Variants in POR observed in about 807,000 individuals in gnomAD.
POR encodes the protein cytochrome p450 oxidoreductase, also known as NADPH--cytochrome P450 reductase.
Under a neutral mutation model 84.0 loss-of-function variants are expected in POR, and 56 were observed. The observed-to-expected ratio is 0.67, with a 90% CI of 0.54 to 0.83. The LOEUF (loss-of-function observed/expected upper bound fraction) is 0.83, where lower values mean the gene tolerates loss of function less well. Ranked by LOEUF, POR falls within the 40% of genes least tolerant of loss-of-function variation. The pLI, the probability that POR is intolerant of heterozygous loss-of-function variation, is 0.00. For missense variants in POR, 938 were observed against 944.3 expected, an observed-to-expected ratio of 0.99 and a Z score of 0.09; for synonymous variants, 414 against 400.5, an observed-to-expected ratio of 1.03 and a Z score of -0.40.
At chr7:75,935,619 TTGTGTGTGTGTGTGTGTGTGTGTGTGTG>T (rs57899780) in intron 1 of POR, among the ~76,000 whole-genome samples, 45 of 131,384 alleles carry the variant, frequency 3.4e-4, no homozygotes, top group Non-Finnish European at 3.9e-4. Flanking sequence ...TGCTCGGGGC[TTGTGTGTGTGTGTGTGTGTGTGTGTGTG>T]TGTGTGTGTG....
chr7:75,973,835 G>A (rs868927985), intron 3 of POR, among the ~76,000 whole-genome samples: 3 of 151,452 alleles, frequency 2.0e-5, no homozygotes, highest in South Asian at 4.2e-4. Flanking sequence ...GCCTGCCACC[G>A]TGCCTGGCTA....
rs1554557762 is a variant in POR, at chr7:75,981,140, C to T, written c.609C>T (p.Ile203=). ...TGGAGCAGCTCGGCGCCCAGCGCATCTTTGAGCTGGGGTTGGGCGACGACG... is the reference window on the plus strand; with the variant it reads ...TGGAGCAGCTCGGCGCCCAGCGCATTTTTGAGCTGGGGTTGGGCGACGACG... The change falls in exon 6 of 16, where the codon ATC becomes ATT. Residue 203 remains isoleucine (I), a synonymous_variant. Coordinates refer to ENST00000461988, the MANE Select transcript of POR (RefSeq NM_000941.3). The T allele has an allele frequency of 1.9e-6, 3 of 1,555,042 alleles. No individual in the cohort carries two copies. Among genetic ancestry groups the T allele is most frequent in the African/African-American group, 1.4e-5 (1 of 73,406 alleles).
At chr7:75,956,818 C>T (rs187746265) in intron 2 of POR, among the ~76,000 whole-genome samples, 34 of 152,222 alleles carry the variant, frequency 2.2e-4, no homozygotes, top group Admixed American at 9.8e-4. Context: ...CTCCGCCTCC[C>T]GGGTTCAGGC....
intron 1 of POR, among the ~76,000 whole-genome samples, chr7:75,936,750 C>G (rs577900025): frequency 8.6e-5 from 13 of 151,980 alleles, no homozygotes; most frequent in Non-Finnish European, 1.0e-4. Flanking sequence ...CAGAAGCCGA[C>G]TTCAGAACTG....
At chr7:75,917,889 A>T (rs1806652020) in intron 1 of POR, among the ~76,000 whole-genome samples, 1 of 152,144 alleles carries the variant, frequency 6.6e-6, no homozygotes, top group South Asian at 2.1e-4. Flanking sequence ...CTAGGCTGGG[A>T]ACAGTGGCTC....
At chr7:75,985,013 C>T in intron 11 of POR, 45 bp from the exon 12 acceptor site, 7 of 1,579,008 alleles carry the variant, frequency 4.4e-6, no homozygotes, top group East Asian at 2.3e-5. Flanking sequence ...GTTTTCCGAG[C>T]TCCGTGGGCC....
chr7:75,931,530 C>T (rs1807419237), intron 1 of POR, among the ~76,000 whole-genome samples: 1 of 151,936 alleles, frequency 6.6e-6, no homozygotes, highest in South Asian at 2.1e-4. Flanking sequence ...TCACACCCGA[C>T]TAATTTTTTT....
chr7:75,946,535 G>A (rs1200865335), intron 1 of POR, among the ~76,000 whole-genome samples: 9 of 152,038 alleles, frequency 5.9e-5, no homozygotes, highest in Non-Finnish European at 8.8e-5. Flanking sequence ...TAATCTGCCC[G>A]CCTTGGCCTC....
rs1563429184 is a variant in POR at position 75,979,556 on chromosome 7, G to A, written c.343G>A (p.Ala115Thr). Residue 115 changes from alanine to threonine, a missense_variant, in exon 4 of 16, where the codon GCG (alanine) becomes ACG (threonine). Transcript: ENST00000461988. Reference sequence around the variant, plus strand: ...CCGCTACGGGATGCGAGGCATGTCAGCGGACCCTGAGGAGTATGACCTGGT... The same window carrying A: ...CCGCTACGGGATGCGAGGCATGTCAACGGACCCTGAGGAGTATGACCTGGT... 3 of 1,613,568 alleles carry A rather than the reference G, an allele frequency of 1.9e-6. No individual in the cohort carries two copies. Among genetic ancestry groups the A allele is most frequent in the African/African-American group, 2.7e-5 (2 of 75,056 alleles).
chr7:75,948,153 T>G (rs2116378400), intron 1 of POR, among the ~76,000 whole-genome samples: 1 of 152,186 alleles, frequency 6.6e-6, no homozygotes. Flanking sequence ...GGCCTGTTTC[T>G]CGTTTTGCCC....
chr7:75,981,489 C>T lies in POR; in HGVS notation c.642-28C>T, dbSNP rs564747548. 655 of 1,595,570 alleles carry T rather than the reference C, an allele frequency of 4.1e-4. 1 individual carries two copies. The highest frequency in any genetic ancestry group is 5.2e-4 in the Non-Finnish European group (603 of 1,170,340). On this transcript the variant is annotated intron_variant, in intron 6 of 15. Transcript: ENST00000461988. ...GTTGCCACATGGGCCTCCCCTGAGC[C>T]GCTCCCCCTCTCCTCTCCTCGGCCC...
rs782098457 is a variant in POR, at chr7:75,972,410, C to G, written c.189-3C>G. The G allele has an allele frequency of 1.2e-6, 2 of 1,609,850 alleles. No homozygotes were observed. Among genetic ancestry groups the G allele is most frequent in the Admixed American group, 1.7e-5 (1 of 59,402 alleles). The stretch of plus-strand genomic sequence containing the variant: ...ACGCTCATTGCACACTTTTGTCTTG[C>G]AGGACCTCCTCTGTCAGAGAGAGCA... On this transcript the variant is annotated splice_region_variant and splice_polypyrimidine_tract_variant and intron_variant, in intron 2 of 15. Transcript: ENST00000461988.
At chr7:75,931,333 G>GTGAT (rs1260462198) in intron 1 of POR, among the ~76,000 whole-genome samples, 1 of 142,796 alleles carries the variant, frequency 7.0e-6, no homozygotes, top group Non-Finnish European at 1.5e-5. Flanking sequence ...CACTTATTGT[G>GTGAT]TGATTTTATT....
intron 6 of POR, 23 bp downstream of exon 6, chr7:75,981,195 TG>T: frequency 6.6e-7 from 1 of 1,522,782 alleles, no homozygotes; most frequent in Admixed American, 2.0e-5. Flanking sequence ...CCTGCCACCA[TG>T]ATCAGCGCGG....
intron 2 of POR, among the ~76,000 whole-genome samples, chr7:75,966,712 C>T (rs1479133887): frequency 6.6e-6 from 1 of 152,196 alleles, no homozygotes; most frequent in Non-Finnish European, 1.5e-5. Flanking sequence ...TCGCCTGTGA[C>T]GGGAACAAAA....
intron 12 of POR, 41 bp downstream of exon 12, chr7:75,985,248 C>T (rs781918541): frequency 1.3e-6 from 2 of 1,543,632 alleles, no homozygotes; most frequent in Non-Finnish European, 1.7e-6. Flanking sequence ...CGCTGGAGGC[C>T]CAGCCCTGCT....
intron 2 of POR, among the ~76,000 whole-genome samples, chr7:75,962,418 C>A (rs1787978962): frequency 6.6e-6 from 1 of 152,174 alleles, no homozygotes; most frequent in South Asian, 2.1e-4. Context: ...TCTCAGCCCC[C>A]TGAGTAGCTG....
Position 75,981,253 on chromosome 7 carries a change from G to T in POR, c.641+81G>T, listed in dbSNP as rs1036530674. On this transcript the variant is annotated intron_variant, in intron 6 of 15. Coordinates refer to ENST00000461988, the MANE Select transcript of POR (RefSeq NM_000941.3). The stretch of plus-strand genomic sequence containing the variant: ...GAACGTGAGGGGCGCGCACACCATT[G>T]TGTCAGCTGAGACTCAGCGACACGC... 57 of 1,460,330 alleles carry T rather than the reference G, an allele frequency of 3.9e-5. 1 individual carries two copies. Among genetic ancestry groups the T allele is most frequent in the South Asian group, 5.6e-5 (4 of 71,666 alleles). The allele number at this position is 1,460,330 out of a possible 1,614,324, so 90.5% of individuals were successfully genotyped here.
intron 7 of POR, chr7:75,981,998 C>T (rs888956971): frequency 4.1e-5 from 24 of 581,444 alleles, no homozygotes; most frequent in Non-Finnish European, 4.9e-5. Context: ...CCCAGCCCTG[C>T]CCCGGCTTCT....
Sources: gnomAD v4.1 joint callset for allele counts (sites outside exome capture counted in the v4.1 genomes callset) on GRCh38, gnomAD v4.1.1 for gene constraint, MANE v1.5 for transcripts, NCBI Gene and HGNC (gene_info 2026-07-23, HGNC 2026-07-21) for gene names.